The following LSAMP variants were observed in gnomAD, a reference collection of about 807,000 sequenced individuals.
LSAMP encodes the protein limbic system-associated membrane protein.
A neutral mutation model predicts 38.6 loss-of-function variants in LSAMP; 7 were observed. That is an observed-to-expected ratio of 0.18 (90% confidence interval 0.10 to 0.34). The LOEUF is 0.34. Ranked by LOEUF, LSAMP falls within the 10% of genes least tolerant of loss-of-function variation. The pLI, the probability that LSAMP is intolerant of heterozygous loss-of-function variation, is 1.00. For missense variants in LSAMP, 313 were observed against 420.0 expected (o/e 0.75, Z 2.23); for synonymous variants, 154 against 166.8 (o/e 0.92, Z 0.59).
chr3:116,126,338 C>T lies in LSAMP; in HGVS notation c.156-39782G>A, dbSNP rs1160320615. 3.3e-5 allele frequency among the ~76,000 whole-genome samples: 5 copies of T among 152,334 alleles called. No individual in the cohort carries two copies. In the South Asian group the frequency reaches 6.2e-4, roughly 19 times the overall value. On this transcript the variant is annotated intron_variant, in intron 1 of 6. Transcript: ENST00000490035. Reference sequence around the variant, plus strand: ...GAAGCAGATAGGCCAGAAGACAAGACCCTCTCAAGGGTGCTATAAATGGGC... The same window carrying T: ...GAAGCAGATAGGCCAGAAGACAAGATCCTCTCAAGGGTGCTATAAATGGGC...
At chr3:115,811,051 T>G (rs1394369517) in intron 6 of LSAMP, among the ~76,000 whole-genome samples, 1 of 152,152 alleles carries the variant, frequency 6.6e-6, no homozygotes, top group Non-Finnish European at 1.5e-5. Context: ...CATTTGTCAC[T>G]TTAAAAATCA....
chr3:116,198,655 C>CT (rs1313565941), intron 1 of LSAMP, among the ~76,000 whole-genome samples: 8 of 151,940 alleles, frequency 5.3e-5, no homozygotes, highest in Admixed American at 4.6e-4. Context: ...GCTGTAGTCC[C>CT]TGCTACTCTG....
At chr3:115,971,051 A>G (rs1261743576) in intron 3 of LSAMP, among the ~76,000 whole-genome samples, 1 of 152,184 alleles carries the variant, frequency 6.6e-6, no homozygotes, top group South Asian at 2.1e-4. Flanking sequence ...TGCCAGGGCG[A>G]GAAAGTTCAA....
intron 1 of LSAMP, among the ~76,000 whole-genome samples, chr3:116,187,984 C>T (rs1431979996): frequency 6.6e-6 from 1 of 152,028 alleles, no homozygotes. Flanking sequence ...TGTTTTGTTC[C>T]CCTCTGTGTG....
chr3:115,853,840 G>A (rs1354456775), intron 3 of LSAMP, among the ~76,000 whole-genome samples: 5 of 152,156 alleles, frequency 3.3e-5, no homozygotes, highest in African/African-American at 9.7e-5. Flanking sequence ...CTGCAATCAC[G>A]ATGCTCCTGG....
chr3:115,886,420 G>A (rs1236865604), intron 3 of LSAMP, among the ~76,000 whole-genome samples: 3 of 151,976 alleles, frequency 2.0e-5, no homozygotes, highest in African/African-American at 4.8e-5. Context: ...AAGTGGCAGT[G>A]ATGTAAATGA....
At chr3:115,925,527 G>A (rs1294619033) in intron 3 of LSAMP, among the ~76,000 whole-genome samples, 1 of 152,004 alleles carries the variant, frequency 6.6e-6, no homozygotes, top group Non-Finnish European at 1.5e-5. Context: ...ATCTGTCTTG[G>A]TAATATTAAG....
intron 1 of LSAMP, among the ~76,000 whole-genome samples, chr3:116,175,088 G>A (rs1213216492): frequency 6.6e-6 from 1 of 152,030 alleles, no homozygotes; most frequent in Non-Finnish European, 1.5e-5. Context: ...TAACTTACAT[G>A]AAGAGCCTTT....
chr3:116,153,341 T>C (rs1238660338), intron 1 of LSAMP, among the ~76,000 whole-genome samples: 2 of 152,088 alleles, frequency 1.3e-5, no homozygotes, highest in Non-Finnish European at 2.9e-5. Context: ...TGTAGGAAAA[T>C]GAAAGTGATT....
intron 3 of LSAMP, among the ~76,000 whole-genome samples, chr3:115,903,755 G>A: frequency 6.6e-6 from 1 of 152,078 alleles, no homozygotes; most frequent in South Asian, 2.1e-4. Context: ...AGGTTTAACA[G>A]GTTTTAATAG....
At chr3:115,993,265 G>A (rs1939723224) in intron 3 of LSAMP, among the ~76,000 whole-genome samples, 1 of 152,026 alleles carries the variant, frequency 6.6e-6, no homozygotes, top group South Asian at 2.1e-4. Context: ...TGAGCTCAGT[G>A]CCACTGTAAA....
intron 1 of LSAMP, among the ~76,000 whole-genome samples, chr3:116,380,497 C>T (rs927192957): frequency 1.1e-4 from 17 of 151,886 alleles, no homozygotes; most frequent in African/African-American, 4.1e-4. Context: ...CCATTGTTGC[C>T]TGCCCACTTC....
At chr3:116,086,592 A>G (rs1224652183) in intron 1 of LSAMP, 36 bp from the exon 2 acceptor site, 2 of 1,522,780 alleles carry the variant, frequency 1.3e-6, no homozygotes, top group Admixed American at 1.7e-5. Flanking sequence ...GTGCCTTAAC[A>G]ACAACTATTT....
chr3:116,146,447 A>T (rs1046205079), intron 1 of LSAMP, among the ~76,000 whole-genome samples: 1 of 151,964 alleles, frequency 6.6e-6, no homozygotes, highest in Admixed American at 6.6e-5. Flanking sequence ...TTACTTAAAA[A>T]GCAAAAGGAG....
chr3:116,367,855 A>C (rs928990895), intron 1 of LSAMP: 1 of 152,092 alleles, frequency 6.6e-6, no homozygotes, highest in African/African-American at 2.4e-5. Context: ...AACAAAAAAA[A>C]AACTTTACAA....
chr3:116,424,718 G>A (rs2049172150), intron 1 of LSAMP, among the ~76,000 whole-genome samples: 1 of 152,168 alleles, frequency 6.6e-6, no homozygotes, highest in Non-Finnish European at 1.5e-5. Context: ...ATGCAGTATT[G>A]AGAGTCTTGG....
intron 1 of LSAMP, among the ~76,000 whole-genome samples, chr3:116,179,342 C>T (rs1478828611): frequency 6.6e-6 from 1 of 152,102 alleles, no homozygotes; most frequent in East Asian, 1.9e-4. Context: ...TACTCAAGCA[C>T]TCCCCATTGG....
chr3:116,407,613 G>T (rs969758746), intron 1 of LSAMP, among the ~76,000 whole-genome samples: 1 of 152,040 alleles, frequency 6.6e-6, no homozygotes, highest in Non-Finnish European at 1.5e-5. Flanking sequence ...CAACCTTGGG[G>T]TTGTTCAATC....
rs914632955 is a variant in LSAMP at position 116,445,360 on chromosome 3, G to A, written c.-329C>T. 1.8e-5 allele frequency: 9 copies of A among 509,896 alleles called. No homozygotes were observed. In the Admixed American group the frequency reaches 2.6e-4, roughly 15 times the overall value. The allele number at this position is 509,896 out of a possible 1,614,324, so 31.6% of individuals were successfully genotyped here. On this transcript the variant is annotated 5_prime_UTR_variant, in exon 1 of 7. Transcript: ENST00000490035. ...TTCTTGTTTGGTCTCTCTGTGACTG[G>A]ATGCTCCTCTGCCAGTGTCTGAGCT...
Sources: allele counts gnomAD v4.1 joint callset (sites outside exome capture counted in the v4.1 genomes callset), GRCh38; gene constraint gnomAD v4.1.1; transcripts MANE v1.5; gene names NCBI Gene and HGNC (gene_info 2026-07-23, HGNC 2026-07-21).